ST7: variants seen among roughly 807,000 people sequenced by gnomAD.
The protein encoded by ST7 is suppressor of tumorigenicity 7 protein.
A neutral mutation model predicts 78.7 loss-of-function variants in ST7; 28 were observed. The ratio of observed to expected loss-of-function variants is 0.36; its 90% CI spans 0.26 to 0.49. ST7 has a LOEUF of 0.49. Among genes scored for constraint, ST7 ranks in the 20% least tolerant of loss-of-function variants. ST7 has a pLI of 0.99. For synonymous variants in ST7, 247 were observed against 249.6 expected (o/e 0.99, Z 0.10); for missense variants, 418 against 696.0 (o/e 0.60, Z 4.49).
chr7:116,983,559 A>T (rs1234080204), intron 1 of ST7, among the ~76,000 whole-genome samples: 1 of 151,912 alleles, frequency 6.6e-6, no homozygotes, highest in Non-Finnish European at 1.5e-5. Flanking sequence ...CTCCTTATAC[A>T]CACTGGGCTC....
chr7:117,161,323 A>C (rs1024673595), intron 9 of ST7, among the ~76,000 whole-genome samples: 1 of 152,188 alleles, frequency 6.6e-6, no homozygotes, highest in Non-Finnish European at 1.5e-5. Flanking sequence ...AAATGTATGC[A>C]GAATATTGTG....
intron 9 of ST7, among the ~76,000 whole-genome samples, chr7:117,148,731 G>T (rs1806007708): frequency 6.6e-6 from 1 of 152,164 alleles, no homozygotes; most frequent in East Asian, 1.9e-4. Flanking sequence ...CCAAATGATA[G>T]AATTAATTTA....
chr7:117,187,162 A>G (rs1271305842), intron 10 of ST7, among the ~76,000 whole-genome samples: 2 of 152,230 alleles, frequency 1.3e-5, no homozygotes, highest in African/African-American at 2.4e-5. Flanking sequence ...AGATAAAAGA[A>G]TAACATTGAA....
At chr7:117,069,042 G>A (rs1343774087) in intron 1 of ST7, among the ~76,000 whole-genome samples, 1 of 152,208 alleles carries the variant, frequency 6.6e-6, no homozygotes, top group Non-Finnish European at 1.5e-5. Flanking sequence ...GAGGTGCTTG[G>A]CTTCACTCTG....
At chr7:116,965,543 G>T (rs1444613132) in intron 1 of ST7, among the ~76,000 whole-genome samples, 2 of 152,070 alleles carry the variant, frequency 1.3e-5, no homozygotes, top group African/African-American at 4.8e-5. Flanking sequence ...AAACCTGCAC[G>T]TTCTGCACAT....
rs539939857 is a variant in ST7, at chr7:117,159,495, G to A, written c.964-11367G>A. 1.4e-4 allele frequency among the ~76,000 whole-genome samples: 22 copies of A among 152,022 alleles called. 1 individual carries two copies. Among genetic ancestry groups the A allele is most frequent in the South Asian group, 8.3e-4 (4 of 4,826 alleles). ...CAATTACCAGTGTGGAGAAGATAGC[G>A]GGCAATAAATAAACAGAACTATGCT... is the stretch of plus-strand genomic sequence containing the variant. On this transcript the variant is annotated intron_variant, in intron 9 of 15. Coordinates refer to ENST00000323984, the MANE Select transcript of ST7 (RefSeq NM_001369598.1).
chr7:117,126,864 G>A (rs1040124328), intron 3 of ST7, among the ~76,000 whole-genome samples: 2 of 151,808 alleles, frequency 1.3e-5, no homozygotes, highest in East Asian at 3.9e-4. Context: ...AATCTCTTCC[G>A]CAGACTTTGG....
intron 9 of ST7, among the ~76,000 whole-genome samples, chr7:117,144,800 G>A (rs1309672226): frequency 6.6e-6 from 1 of 152,146 alleles, no homozygotes; most frequent in Non-Finnish European, 1.5e-5. Context: ...TTTAGGTAAT[G>A]TTGAGTATTA....
At chr7:117,104,955 T>C (rs893599941) in intron 2 of ST7, among the ~76,000 whole-genome samples, 5 of 152,070 alleles carry the variant, frequency 3.3e-5, no homozygotes, top group Non-Finnish European at 7.4e-5. Context: ...TACAGAAAGA[T>C]TGGGGTCTTG....
At position 117,020,260 on chromosome 7, in the gene ST7, T is replaced by TTGC. The variant is rs1328026319; in HGVS notation, c.151+66577_151+66579dup. The stretch of plus-strand genomic sequence containing the variant: ...GGGCTGGGGATTGCAGTATCCGCTG[T>TTGC]TGCTGCTGCTCCCAGTCCTGCCCCT... On this transcript the variant is annotated intron_variant, in intron 1 of 15. Transcript: ENST00000323984. The TTGC allele has an allele frequency of 4.4e-5, 14 of 318,636 alleles. No individual in the cohort carries two copies. The East Asian group carries it at 7.9e-4, about 18-fold the overall frequency. The allele number at this position is 318,636 out of a possible 1,614,324, so 19.7% of individuals were successfully genotyped here.
chr7:117,061,157 A>G (rs1331946306), intron 1 of ST7, among the ~76,000 whole-genome samples: 1 of 152,220 alleles, frequency 6.6e-6, no homozygotes, highest in Non-Finnish European at 1.5e-5. Context: ...TTTAAACACA[A>G]TTAAAAGGGG....
intron 1 of ST7, among the ~76,000 whole-genome samples, chr7:116,958,960 A>G (rs1047035508): frequency 1.3e-4 from 20 of 152,306 alleles, no homozygotes; most frequent in African/African-American, 4.3e-4. Flanking sequence ...ATTTCTTCAA[A>G]TAAGACAACC....
intron 8 of ST7, chr7:117,136,549 T>A (rs549494524): frequency 4.0e-5 from 21 of 521,950 alleles, no homozygotes; most frequent in Non-Finnish European, 6.4e-5. Context: ...ATCAGTTGCT[T>A]CTGCTCACAA....
intron 1 of ST7, among the ~76,000 whole-genome samples, chr7:117,091,910 C>T (rs1800645234): frequency 6.6e-6 from 1 of 152,072 alleles, no homozygotes; most frequent in South Asian, 2.1e-4. Context: ...AATCTGCTTC[C>T]AGTCTCACTC....
rs932476340 is a variant in ST7 at position 116,980,517 on chromosome 7, C to T, written c.151+26826C>T. Among the ~76,000 whole-genome samples, 3 of 152,154 alleles carry T rather than the reference C, an allele frequency of 2.0e-5. No homozygotes were observed. In the South Asian group the frequency reaches 6.2e-4, roughly 32 times the overall value. On this transcript the variant is annotated intron_variant, in intron 1 of 15. Transcript: ENST00000323984. ...GCATCCTGGCTTGGAAGCCCCTGGA[C>T]TTTGACATGCTCTGGGTCTTTTCCC... is the stretch of plus-strand genomic sequence containing the variant.
At chr7:117,222,639 T>C (rs956603430) in intron 15 of ST7, among the ~76,000 whole-genome samples, 1 of 152,192 alleles carries the variant, frequency 6.6e-6, no homozygotes, top group African/African-American at 2.4e-5. Context: ...GCCATCTGCA[T>C]TGACAGCCAA....
chr7:117,162,440 T>C (rs1458009079), intron 9 of ST7, among the ~76,000 whole-genome samples: 3 of 151,422 alleles, frequency 2.0e-5, no homozygotes, highest in African/African-American at 4.8e-5. Flanking sequence ...GTATACCCCA[T>C]TATCTGTTTA....
rs193217405 is a variant in ST7 at position 117,198,710 on chromosome 7, C to T, written c.1254+7774C>T. 3.1e-3 allele frequency among the ~76,000 whole-genome samples: 466 copies of T among 152,258 alleles called. 6 individuals are homozygous for T. Among genetic ancestry groups the T allele is most frequent in the African/African-American group, 0.011 (443 of 41,548 alleles). The stretch of plus-strand genomic sequence containing the variant: ...AAACTTGCCCATACGCAGGCCCCTT[C>T]CTCTCCCTGTTGCACCTGCCTCCTC... On this transcript the variant is annotated intron_variant, in intron 12 of 15. Transcript: ENST00000323984.
At chr7:117,206,504 G>A (rs1791775099) in intron 12 of ST7, among the ~76,000 whole-genome samples, 1 of 152,066 alleles carries the variant, frequency 6.6e-6, no homozygotes, top group Non-Finnish European at 1.5e-5. Flanking sequence ...AGATTGGAGA[G>A]AACTTAGAGG....
Sources: allele counts gnomAD v4.1 joint callset (sites outside exome capture counted in the v4.1 genomes callset), GRCh38; gene constraint gnomAD v4.1.1; transcripts MANE v1.5; gene names NCBI Gene and HGNC (gene_info 2026-07-23, HGNC 2026-07-21).